The following BAG1 variants were observed in gnomAD, a reference collection of about 807,000 sequenced individuals.
BAG1 encodes BAG cochaperone 1.
BAG1 carries 35 observed loss-of-function variants against 35.5 expected under a neutral mutation model. That is an observed-to-expected ratio of 0.99 (90% CI 0.75 to 1.31). The LOEUF (loss-of-function observed/expected upper bound fraction) is 1.31, where lower values mean the gene tolerates loss of function less well. Ranked by LOEUF, BAG1 falls within the 50% of genes most tolerant of loss-of-function variation. The pLI is 0.00. For synonymous variants in BAG1, 191 were observed against 178.9 expected, an observed-to-expected ratio of 1.07 and a Z score of -0.54; for missense variants, 464 against 453.6, an observed-to-expected ratio of 1.02 and a Z score of -0.21.
chr9:33,258,907 T>C lies in BAG1; in HGVS notation c.777+13A>G, dbSNP rs766218024. ...ATAGAAGGCAGAAAGTTAAGGTCCA[T>C]GAAGAGAGTTACCTGCTGGATTCCA... On this transcript the variant is annotated intron_variant, in intron 4 of 6. Transcript: ENST00000634734. 4 of 1,607,122 alleles carry C rather than the reference T, an allele frequency of 2.5e-6. No individual in the cohort carries two copies. In the African/African-American group the frequency reaches 4.0e-5, roughly 16 times the overall value.
In BAG1 at chr9:33,264,343, G is replaced by A; in HGVS notation, c.332C>T (p.Thr111Ile). The change falls in exon 1 of 7, where the codon ACC (threonine) becomes ATC (isoleucine). Residue 111 changes from threonine to isoleucine, a missense_variant. Physicochemically the swap from Thr to Ile is moderately conservative, Grantham distance 89 (BLOSUM62 -1). Transcript: ENST00000634734. ...GCTCCGATTCATCTCTTCGCCCTGG[G>A]TCGCCTCCTCACTCTGGGTCGCCTC... 1 of 1,612,774 alleles carries A rather than the reference G, an allele frequency of 6.2e-7. No individual in the cohort carries two copies. The highest frequency in any genetic ancestry group is 8.5e-7 in the Non-Finnish European group (1 of 1,179,588).
chr9:33,264,699 GAT>G lies in BAG1; in HGVS notation c.-27_-26del. On this transcript the variant is annotated 5_prime_UTR_variant, in exon 1 of 7. Coordinates refer to ENST00000634734, the MANE Select transcript of BAG1 (RefSeq NM_004323.6). ...GGCCCGCACTTGTTGACCGCCCAGC[GAT>G]GGAAGCTGAGCGCGGCGTCTCACAA... 4.4e-6 allele frequency: 6 copies of G among 1,358,266 alleles called. No individual in the cohort carries two copies. The highest frequency in any genetic ancestry group is 5.7e-6 in the Non-Finnish European group (6 of 1,061,276). 84.1% of individuals were successfully genotyped at this position (1,358,266 alleles called of 1,614,324 possible).
intron 2 of BAG1, chr9:33,262,356 A>C: frequency 1.7e-6 from 2 of 1,183,678 alleles, no homozygotes; most frequent in Non-Finnish European, 2.1e-6. Flanking sequence ...GAAAAGCCGG[A>C]AAAGAAATGC....
Position 33,264,660 on chromosome 9 carries a change from C to G in BAG1, c.15G>C (p.Gly5=), listed in dbSNP as rs576413756. The G allele has an allele frequency of 1.1e-3, 1,470 of 1,347,714 alleles. 1 individual carries two copies. Among genetic ancestry groups the G allele is most frequent in the Non-Finnish European group, 1.3e-3 (1,344 of 1,058,360 alleles). The allele number at this position is 1,347,714 out of a possible 1,614,324, so 83.5% of individuals were successfully genotyped here. ...GGTCGCCTCGCGGTCTCCGCGCCCC[C>G]CCGCGCTGAGCCAGGCCCGCACTTG... Residue 5 remains glycine, a synonymous_variant, in exon 1 of 7, where the codon GGG becomes GGC. Coordinates refer to ENST00000634734, the MANE Select transcript of BAG1 (RefSeq NM_004323.6).
chr9:33,259,127 G>A (rs973422232), intron 3 of BAG1, 94 bp from the exon 4 acceptor site: 11 of 883,002 alleles, frequency 1.2e-5, no homozygotes, highest in African/African-American at 8.4e-5. Flanking sequence ...TTGGGAGGCC[G>A]AGATGGGCAG....
At chr9:33,261,913 C>T in intron 2 of BAG1, 1 of 985,416 alleles carries the variant, frequency 1.0e-6, no homozygotes, top group Non-Finnish European at 1.2e-6. Flanking sequence ...TTGCTCAAAA[C>T]CTCCTTTGAG....
At chr9:33,257,346 G>C (rs1264436871) in intron 4 of BAG1, 1 of 158,024 alleles carries the variant, frequency 6.3e-6, no homozygotes, top group Non-Finnish European at 1.4e-5. Context: ...ACCCTAGATG[G>C]TTACTGTGAG....
rs1408274157 is a variant in BAG1 at position 33,254,430 on chromosome 9, T to C, written c.*789A>G. The C allele has an allele frequency of 6.5e-6, 1 of 152,676 alleles. No homozygotes were observed. Among genetic ancestry groups the C allele is most frequent in the Non-Finnish European group, 1.5e-5 (1 of 68,422 alleles). The allele number at this position is 152,676 out of a possible 1,614,324, so 9.5% of individuals were successfully genotyped here. On this transcript the variant is annotated 3_prime_UTR_variant, in exon 7 of 7. Coordinates refer to ENST00000634734, the MANE Select transcript of BAG1 (RefSeq NM_004323.6). ...AAGCACATGTCACTCCTGAGAAGTT[T>C]ATGGTTGGCTTCACCACCTGCCTGC...
chr9:33,260,916 T>C (rs775179737), intron 3 of BAG1, among the ~76,000 whole-genome samples, 171 bp downstream of exon 3: 1 of 152,170 alleles, frequency 6.6e-6, no homozygotes, highest in Non-Finnish European at 1.5e-5. Flanking sequence ...CAGGAGGGTA[T>C]GAGAACAACA....
Position 33,264,529 on chromosome 9 carries a change from G to T in BAG1, c.146C>A (p.Ala49Asp), listed in dbSNP as rs187562179. Residue 49 changes from alanine to aspartate, a missense_variant, in exon 1 of 7, where the codon GCC becomes GAC. Coordinates refer to ENST00000634734, the MANE Select transcript of BAG1 (RefSeq NM_004323.6). ...GTCATGCCCGCTGGCAGTACTCCGG[G>T]CAGGTGGACGCCCAGAGGGAGGCGG... is the stretch of plus-strand genomic sequence containing the variant. 66 of 1,571,194 alleles carry T rather than the reference G, an allele frequency of 4.2e-5. No individual in the cohort carries two copies. The highest frequency in any genetic ancestry group is 3.5e-4 in the South Asian group (31 of 87,424).
chr9:33,258,868 T>A, intron 4 of BAG1, 52 bp downstream of exon 4: 1 of 1,477,450 alleles, frequency 6.8e-7, no homozygotes, highest in Non-Finnish European at 9.5e-7. Context: ...ACAAGTTATA[T>A]CCAGGAAGCT....
At chr9:33,261,694 C>T (rs924098912) in intron 2 of BAG1, among the ~76,000 whole-genome samples, 1 of 152,120 alleles carries the variant, frequency 6.6e-6, no homozygotes, top group Non-Finnish European at 1.5e-5. Context: ...ATATGTTACA[C>T]TATGAAATAT....
In BAG1 at chr9:33,264,568, G is replaced by T; in HGVS notation, c.107C>A (p.Pro36Gln). Reference sequence around the variant, plus strand: ...AGAGGGAGGCGGACCACGCTGGGCCGGGGGCTCCGACTGGCGCGGCTCCCG... The same window carrying T: ...AGAGGGAGGCGGACCACGCTGGGCCTGGGGCTCCGACTGGCGCGGCTCCCG... Residue 36 changes from proline (P) to glutamine (Q), a missense_variant, in exon 1 of 7, where the codon CCG (proline) becomes CAG (glutamine). By Grantham distance (76) the Pro-to-Gln change is moderately conservative. Transcript: ENST00000634734. The T allele has an allele frequency of 2.1e-6, 3 of 1,426,188 alleles. No homozygotes were observed. The highest frequency in any genetic ancestry group is 2.7e-6 in the Non-Finnish European group (3 of 1,096,716). The allele number at this position is 1,426,188 out of a possible 1,614,324, so 88.3% of individuals were successfully genotyped here. A position where few individuals can be genotyped will look rare whatever the true frequency, so the allele number is the denominator to read the frequency against.
chr9:33,257,011 G>C (rs1820469733), intron 4 of BAG1, 103 bp from the exon 5 acceptor site: 1 of 821,472 alleles, frequency 1.2e-6, no homozygotes, highest in East Asian at 2.5e-5. Context: ...CCATAGCCCT[G>C]GCAGGCCAGG....
chr9:33,259,871 T>G (rs1383322198), intron 3 of BAG1: 1 of 152,260 alleles, frequency 6.6e-6, no homozygotes, highest in Non-Finnish European at 1.5e-5. Flanking sequence ...CCTTACCTAT[T>G]TTTTAAGCCT....
At position 33,258,961 on chromosome 9, in the gene BAG1, G is replaced by A; in HGVS notation, c.736C>T (p.Gln246Ter). ...AGCTCTTTATTCAACTCTTCCAGCT[G>A]GTCAGCTATCTTCTCCACAGACTTC... Residue 246 changes from glutamine (Q) to a stop codon, truncating the protein, a stop_gained, in exon 4 of 7, where the codon CAG becomes TAG. Transcript: ENST00000634734. LOFTEE classifies it high-confidence loss of function. 6.2e-7 allele frequency: 1 copy of A among 1,614,118 alleles called. No individual in the cohort carries two copies. The highest frequency in any genetic ancestry group is 1.1e-5 in the South Asian group (1 of 91,068).
intron 1 of BAG1, among the ~76,000 whole-genome samples, chr9:33,263,783 AC>A (rs3834388): frequency 0.62 from 94,879 of 151,830 alleles, 33,690 homozygotes; most frequent in Non-Finnish European, 0.78. Context: ...CCAGAGTACA[AC>A]GCTTGGACCC....
chr9:33,262,564 G>A (rs1820595232), intron 2 of BAG1, 138 bp downstream of exon 2: 2 of 953,928 alleles, frequency 2.1e-6, no homozygotes, highest in Non-Finnish European at 3.0e-6. Context: ...GGCTGAGGCA[G>A]GAGAATCACT....
chr9:33,254,596 T>A lies in BAG1; in HGVS notation c.*623A>T. On this transcript the variant is annotated 3_prime_UTR_variant, in exon 7 of 7. Coordinates refer to ENST00000634734, the MANE Select transcript of BAG1 (RefSeq NM_004323.6). ...AGGAAGCCTTGCATCAACCACAGGC[T>A]CCATCCAAGGAACGGCCCCCTGGTA... The A allele has an allele frequency of 6.1e-6, 1 of 164,694 alleles. No individual in the cohort carries two copies. Among genetic ancestry groups the A allele is most frequent in the Non-Finnish European group, 1.3e-5 (1 of 75,366 alleles). The allele number at this position is 164,694 out of a possible 1,614,324, so 10.2% of individuals were successfully genotyped here. A position where few individuals can be genotyped will look rare whatever the true frequency, so the allele number is the denominator to read the frequency against.
Sources: gnomAD v4.1 joint callset for allele counts (sites outside exome capture counted in the v4.1 genomes callset) on GRCh38, gnomAD v4.1.1 for gene constraint, MANE v1.5 for transcripts, NCBI Gene and HGNC (gene_info 2026-07-23, HGNC 2026-07-21) for gene names.